USH2A: variants seen among roughly 807,000 people sequenced by gnomAD.
USH2A encodes Usher syndrome 2A (autosomal recessive, mild).
Under a neutral mutation model 538.9 loss-of-function variants are expected in USH2A, and 443 were observed. That is an observed-to-expected ratio of 0.82 (90% confidence interval 0.76 to 0.89). The LOEUF is 0.89. USH2A is among the 40% of genes least tolerant of loss of function. USH2A has a pLI of 0.00. For synonymous variants in USH2A, 2,413 were observed against 2,273.5 expected, an observed-to-expected ratio of 1.06 and a Z score of -1.75; for missense variants, 6,633 against 6,324.8, an observed-to-expected ratio of 1.05 and a Z score of -1.65.
chr1:215,692,338 C>T lies in USH2A; in HGVS notation c.12067-11962G>A, dbSNP rs115390126. ...ACAGGAGATGGTAGCTGGAGGGGCC[C>T]GTGGAGTCACATATTTAAAAAATGG... On this transcript the variant is annotated intron_variant, in intron 61 of 71. Coordinates refer to ENST00000307340, the MANE Select transcript of USH2A (RefSeq NM_206933.4). Among the ~76,000 whole-genome samples, 833 of 151,768 alleles carry T rather than the reference C, an allele frequency of 5.5e-3. 7 individuals are homozygous for T. The highest frequency in any genetic ancestry group is 0.019 in the African/African-American group (774 of 41,334).
chr1:216,027,520 T>C (rs1417808791), intron 32 of USH2A, among the ~76,000 whole-genome samples: 1 of 152,162 alleles, frequency 6.6e-6, no homozygotes, highest in Non-Finnish European at 1.5e-5. Context: ...TTCAGGTCCG[T>C]AGTTAATTAA....
intron 3 of USH2A, among the ~76,000 whole-genome samples, chr1:216,394,735 T>TTTTTTTTTTTTA (rs1558069161): frequency 6.9e-6 from 1 of 145,782 alleles, no homozygotes; most frequent in Admixed American, 6.9e-5. Context: ...TTTTTTTTTT[T>TTTTTTTTTTTTA]TGAGACAGAG....
intron 64 of USH2A, among the ~76,000 whole-genome samples, chr1:215,668,473 T>C (rs572160160): frequency 1.3e-5 from 2 of 152,374 alleles, no homozygotes; most frequent in East Asian, 1.9e-4. Flanking sequence ...TCTATCCTTA[T>C]GTTGTAACTA....
At chr1:216,170,820 A>G (rs1448800545) in intron 21 of USH2A, among the ~76,000 whole-genome samples, 1 of 152,098 alleles carries the variant, frequency 6.6e-6, no homozygotes, top group Non-Finnish European at 1.5e-5. Flanking sequence ...TCCTGAAAAA[A>G]ACGAGCATGA....
chr1:216,329,763 C>A (rs2037817088), intron 4 of USH2A, among the ~76,000 whole-genome samples: 1 of 152,014 alleles, frequency 6.6e-6, no homozygotes, highest in African/African-American at 2.4e-5. Context: ...GGGGAACTTT[C>A]TGTGCCCCGC....
Position 215,675,313 on chromosome 1 carries a change from A to G in USH2A, c.12598T>C (p.Trp4200Arg). Residue 4200 changes from tryptophan (W) to arginine (R), a missense_variant, in exon 63 of 72, where the codon TGG becomes CGG. Trp to Arg is a moderately radical substitution (Grantham distance 101). Transcript: ENST00000307340. ...TCGGCCTGGATTGTCTGATTTCCCC[A>G]AGCTTTTCCCTCGAAGCATCTGCGA... ...VIRRCFEGKA[W>R]GNQTIQADEK... 1.2e-6 allele frequency: 2 copies of G among 1,614,084 alleles called. No homozygotes were observed. The highest frequency in any genetic ancestry group is 1.7e-6 in the Non-Finnish European group (2 of 1,180,032).
rs1375382436 is a variant in USH2A at position 215,836,521 on chromosome 1, ATATAT to A, written c.9371+1465_9371+1469del. On this transcript the variant is annotated intron_variant, in intron 47 of 71. Transcript: ENST00000307340. ...ATAATATATATTATATATATATAAT[ATATAT>A]TATATATATATATATAATATATATA... Among the ~76,000 whole-genome samples, 82 of 29,410 alleles carry A rather than the reference ATATAT, an allele frequency of 2.8e-3. 3 individuals carry two copies. Among genetic ancestry groups the A allele is most frequent in the African/African-American group, 8.8e-3 (79 of 9,004 alleles). The allele number at this position is 29,410 out of a possible 152,430, so 19.3% of individuals were successfully genotyped here.
At chr1:216,251,585 G>T (rs1271642869) in intron 11 of USH2A, among the ~76,000 whole-genome samples, 1 of 151,304 alleles carries the variant, frequency 6.6e-6, no homozygotes, top group Non-Finnish European at 1.5e-5. Flanking sequence ...CGAGTAGCTG[G>T]GACTACAGGC....
rs1006020793 is a variant in USH2A at position 216,225,485 on chromosome 1, G to A, written c.2993+6468C>T. On this transcript the variant is annotated intron_variant, in intron 14 of 71. Coordinates refer to ENST00000307340, the MANE Select transcript of USH2A (RefSeq NM_206933.4). ...AAGTCAAGTTACCAGCATTCCACAC[G>A]ACTGATTTAGTAAGAGACAAATCCT... Among the ~76,000 whole-genome samples, 10 of 152,246 alleles carry A rather than the reference G, an allele frequency of 6.6e-5. 1 individual carries two copies. Among genetic ancestry groups the A allele is most frequent in the African/African-American group, 1.7e-4 (7 of 41,548 alleles).
intron 3 of USH2A, among the ~76,000 whole-genome samples, chr1:216,378,805 G>A (rs1340510768): frequency 6.6e-6 from 1 of 151,668 alleles, no homozygotes; most frequent in East Asian, 1.9e-4. Context: ...AAGCCCATTT[G>A]ACTAGAAGAC....
intron 9 of USH2A, among the ~76,000 whole-genome samples, chr1:216,308,203 T>A (rs2037352982): frequency 6.6e-6 from 1 of 152,236 alleles, no homozygotes; most frequent in Non-Finnish European, 1.5e-5. Context: ...TATGATTGTT[T>A]GAGAAGTCTG....
At chr1:216,025,822 A>T (rs1175364561) in intron 32 of USH2A, among the ~76,000 whole-genome samples, 1 of 152,058 alleles carries the variant, frequency 6.6e-6, no homozygotes, top group Admixed American at 6.6e-5. Flanking sequence ...CCCTAATGGG[A>T]TTTATGATCT....
chr1:215,731,863 C>T (rs980758743), intron 60 of USH2A, among the ~76,000 whole-genome samples: 1 of 152,158 alleles, frequency 6.6e-6, no homozygotes, highest in Non-Finnish European at 1.5e-5. Context: ...TAATCAGAAA[C>T]ATCTGTAGTC....
chr1:216,123,073 C>T (rs1384317481), intron 21 of USH2A, among the ~76,000 whole-genome samples: 1 of 152,118 alleles, frequency 6.6e-6, no homozygotes, highest in Non-Finnish European at 1.5e-5. Context: ...ATTTGTTTCT[C>T]ATGGTTCATT....
intron 14 of USH2A, among the ~76,000 whole-genome samples, chr1:216,217,986 A>C (rs771263856): frequency 6.6e-6 from 1 of 152,082 alleles, no homozygotes; most frequent in Non-Finnish European, 1.5e-5. Flanking sequence ...GAAATAGAAA[A>C]TCAGGGGTAA....
rs1405235456 is a variant in USH2A at position 215,953,944 on chromosome 1, C to A, written c.7120+11373G>T. On this transcript the variant is annotated intron_variant, in intron 37 of 71. Transcript: ENST00000307340. The stretch of plus-strand genomic sequence containing the variant: ...TTCTCAAAAGAAGACATTTATGCAG[C>A]CAAAGGACACATGAAAAAATGCTCA... 3.3e-5 allele frequency among the ~76,000 whole-genome samples: 5 copies of A among 152,098 alleles called. 1 individual carries two copies. The East Asian group carries it at 7.7e-4, about 23-fold the overall frequency.
intron 37 of USH2A, among the ~76,000 whole-genome samples, chr1:215,940,428 C>A (rs1421656994): frequency 6.6e-6 from 1 of 151,976 alleles, no homozygotes; most frequent in Non-Finnish European, 1.5e-5. Flanking sequence ...TTTATTTATT[C>A]CTTCTAAAAA....
chr1:215,736,118 C>A (rs894503731), intron 60 of USH2A, among the ~76,000 whole-genome samples: 2 of 152,142 alleles, frequency 1.3e-5, no homozygotes, highest in Non-Finnish European at 2.9e-5. Context: ...CACTTTATTA[C>A]ATTGCTTCTC....
intron 4 of USH2A, among the ~76,000 whole-genome samples, chr1:216,329,849 GACAGTCTTCATTTCCTA>G (rs1275375814): frequency 1.3e-5 from 2 of 151,998 alleles, no homozygotes; most frequent in African/African-American, 2.4e-5. Flanking sequence ...GTGGAAAACT[GACAGTCTTCATTTCCTA>G]TTTTTGCCAA....
Sources: allele counts gnomAD v4.1 joint callset (sites outside exome capture counted in the v4.1 genomes callset), GRCh38; gene constraint gnomAD v4.1.1; transcripts MANE v1.5; gene names NCBI Gene and HGNC (gene_info 2026-07-23, HGNC 2026-07-21).